Variants in RGS6 observed in about 807,000 individuals in gnomAD.
RGS6 encodes regulator of G-protein signaling 6.
Under a neutral mutation model 78.5 loss-of-function variants are expected in RGS6, and 30 were observed. The ratio of observed to expected loss-of-function variants is 0.38; its 90% CI spans 0.29 to 0.52. The LOEUF (loss-of-function observed/expected upper bound fraction) is 0.52. RGS6 is among the 20% of genes least tolerant of loss of function. The pLI, the probability that RGS6 is intolerant of heterozygous loss-of-function variation, is 0.85. For missense variants in RGS6, 495 were observed against 609.7 expected (o/e 0.81, Z 1.98); for synonymous variants, 206 against 206.0 (o/e 1.00, Z 0.00).
intron 2 of RGS6, among the ~76,000 whole-genome samples, chr14:72,073,531 G>A (rs1258962207): frequency 6.6e-6 from 1 of 152,136 alleles, no homozygotes; most frequent in Non-Finnish European, 1.5e-5. Flanking sequence ...GTGCAAGGTG[G>A]GACCAGCCAA....
intron 2 of RGS6, among the ~76,000 whole-genome samples, chr14:72,299,206 T>A (rs2065536383): frequency 6.6e-6 from 1 of 152,228 alleles, no homozygotes; most frequent in Non-Finnish European, 1.5e-5. Flanking sequence ...GAGATTTAGC[T>A]ATACAGCTAA....
In RGS6 at chr14:72,232,475, C is replaced by G. The variant is rs533504247; in HGVS notation, c.85-119620C>G. Reference sequence around the variant, plus strand: ...TCCACGTAACTCAGTCTCTTCCTTCCCACCTCAGATCTTTATTTAAATAGA... The same window carrying G: ...TCCACGTAACTCAGTCTCTTCCTTCGCACCTCAGATCTTTATTTAAATAGA... On this transcript the variant is annotated intron_variant, in intron 2 of 17. Transcript: ENST00000553525. 2.0e-5 allele frequency among the ~76,000 whole-genome samples: 3 copies of G among 151,132 alleles called. No homozygotes were observed. In the East Asian group the frequency reaches 5.8e-4, roughly 29 times the overall value.
chr14:72,529,745 C>G (rs527515594), intron 15 of RGS6, among the ~76,000 whole-genome samples: 1 of 152,320 alleles, frequency 6.6e-6, no homozygotes, highest in South Asian at 2.1e-4. Flanking sequence ...GGTTGAGAGA[C>G]CACCATTCCC....
chr14:72,357,037 A>G (rs1373088557), intron 3 of RGS6, among the ~76,000 whole-genome samples: 1 of 152,114 alleles, frequency 6.6e-6, no homozygotes, highest in Non-Finnish European at 1.5e-5. Context: ...TTGGGAGGCC[A>G]TGGCAGGTGG....
At chr14:71,973,848 C>T (rs2093956399) in intron 2 of RGS6, among the ~76,000 whole-genome samples, 1 of 152,114 alleles carries the variant, frequency 6.6e-6, no homozygotes, top group Non-Finnish European at 1.5e-5. Flanking sequence ...GAAAAGCTCC[C>T]CCATCACATT....
intron 3 of RGS6, among the ~76,000 whole-genome samples, chr14:72,368,027 G>T (rs993012542): frequency 3.3e-5 from 5 of 152,108 alleles, no homozygotes; most frequent in Non-Finnish European, 5.9e-5. Context: ...CACCAGTTTT[G>T]TCTTAAGATG....
chr14:71,900,274 G>A, the RGS6 span, among the ~76,000 whole-genome samples: 1 of 152,134 alleles, frequency 6.6e-6, no homozygotes, highest in African/African-American at 2.4e-5. Context: ...TCAGGCTCCT[G>A]GCTGCTACCA....
chr14:72,218,660 G>A (rs1327784933), intron 2 of RGS6, among the ~76,000 whole-genome samples: 1 of 151,996 alleles, frequency 6.6e-6, no homozygotes, highest in African/African-American at 2.4e-5. Flanking sequence ...TCACCAGGCT[G>A]TAGTGCAGTG....
intron 2 of RGS6, among the ~76,000 whole-genome samples, chr14:72,056,969 A>G (rs530398788): frequency 2.0e-5 from 3 of 152,230 alleles, no homozygotes; most frequent in South Asian, 4.2e-4. Flanking sequence ...CTAAGGTATC[A>G]TATGTGTTGG....
chr14:72,335,177 A>G (rs139835447), intron 2 of RGS6, among the ~76,000 whole-genome samples: 1 of 152,266 alleles, frequency 6.6e-6, no homozygotes, highest in African/African-American at 2.4e-5. Context: ...CTGTGAGTCA[A>G]TTAAACCTCT....
At chr14:71,905,495 TTC>T in the RGS6 span, among the ~76,000 whole-genome samples, 5 of 152,192 alleles carry the variant, frequency 3.3e-5, no homozygotes, top group Non-Finnish European at 7.4e-5. Flanking sequence ...TCTGTTTCTT[TTC>T]TCTTTTTTTT....
chr14:71,977,361 G>T, intron 2 of RGS6, among the ~76,000 whole-genome samples: 2 of 53,090 alleles, frequency 3.8e-5, no homozygotes, highest in East Asian at 6.5e-4. Flanking sequence ...GAATGGTAAT[G>T]CCTAGGTTTT....
chr14:72,035,182 T>C (rs2091505260), intron 2 of RGS6, among the ~76,000 whole-genome samples: 1 of 152,208 alleles, frequency 6.6e-6, no homozygotes, highest in Non-Finnish European at 1.5e-5. Context: ...GGAACTGCTA[T>C]ATTGCTATGT....
At chr14:72,401,945 T>G (rs1246727335) in intron 3 of RGS6, among the ~76,000 whole-genome samples, 2 of 152,084 alleles carry the variant, frequency 1.3e-5, no homozygotes, top group Non-Finnish European at 2.9e-5. Flanking sequence ...AAAGAAGATT[T>G]TAAAAGGTGT....
intron 2 of RGS6, among the ~76,000 whole-genome samples, chr14:72,069,426 C>T (rs139850410): frequency 1.2e-4 from 19 of 152,294 alleles, no homozygotes; most frequent in African/African-American, 4.6e-4. Flanking sequence ...ATCTTTTCTT[C>T]CTCCTAAACA....
intron 2 of RGS6, among the ~76,000 whole-genome samples, chr14:72,245,378 T>C (rs1348690565): frequency 6.6e-6 from 1 of 152,200 alleles, no homozygotes; most frequent in Non-Finnish European, 1.5e-5. Flanking sequence ...CAAACAGAGA[T>C]TTACCCATGT....
intron 3 of RGS6, among the ~76,000 whole-genome samples, chr14:72,386,608 G>A (rs557277441): frequency 6.6e-6 from 1 of 152,272 alleles, no homozygotes; most frequent in South Asian, 2.1e-4. Context: ...AAATGAGTCT[G>A]TGAGCAAAGG....
At chr14:72,469,869 T>C (rs1321132688) in intron 7 of RGS6, 138 bp from the exon 8 acceptor site, 17 of 648,808 alleles carry the variant, frequency 2.6e-5, no homozygotes, top group South Asian at 2.0e-4. Flanking sequence ...ATGGGATACA[T>C]GTCCAGGGGA....
intron 3 of RGS6, among the ~76,000 whole-genome samples, chr14:72,426,159 T>G (rs567567020): frequency 6.6e-6 from 1 of 152,356 alleles, no homozygotes; most frequent in Non-Finnish European, 1.5e-5. Flanking sequence ...CTAAGCTATA[T>G]TACTAAGTTC....
Sources: gnomAD v4.1 joint callset for allele counts (sites outside exome capture counted in the v4.1 genomes callset) on GRCh38, gnomAD v4.1.1 for gene constraint, MANE v1.5 for transcripts, NCBI Gene and HGNC (gene_info 2026-07-23, HGNC 2026-07-21) for gene names.